SUGCT: variants seen among roughly 807,000 people sequenced by gnomAD.
The protein encoded by SUGCT is succinyl-CoA:glutarate CoA-transferase.
SUGCT carries 41 observed loss-of-function variants against 55.0 expected under a neutral mutation model. The ratio of observed to expected loss-of-function variants is 0.74; its 90% CI spans 0.58 to 0.97. The LOEUF is 0.97. Among genes scored for constraint, SUGCT ranks in the 50% least tolerant of loss-of-function variants. The probability of loss-of-function intolerance (pLI) is 0.00; values close to 1 mark genes in which losing one functional copy is unlikely to be tolerated. For synonymous variants in SUGCT, 187 were observed against 200.4 expected, an observed-to-expected ratio of 0.93 and a Z score of 0.56; for missense variants, 568 against 547.8, an observed-to-expected ratio of 1.04 and a Z score of -0.37.
chr7:40,421,012 C>G (rs1787280463), intron 9 of SUGCT, among the ~76,000 whole-genome samples: 1 of 152,100 alleles, frequency 6.6e-6, no homozygotes, highest in Non-Finnish European at 1.5e-5. Context: ...CTCGACCTAC[C>G]CTGTATTTTT....
chr7:40,566,660 G>A (rs544385538), intron 12 of SUGCT, among the ~76,000 whole-genome samples: 3 of 152,212 alleles, frequency 2.0e-5, no homozygotes, highest in African/African-American at 7.2e-5. Flanking sequence ...TAAGCTAAAT[G>A]CATTCTATTT....
chr7:40,601,291 A>G (rs577717191), intron 12 of SUGCT, among the ~76,000 whole-genome samples: 4 of 152,288 alleles, frequency 2.6e-5, no homozygotes, highest in South Asian at 4.1e-4. Context: ...TTTGTCTTGT[A>G]TTGACCTGAA....
intron 7 of SUGCT, among the ~76,000 whole-genome samples, chr7:40,242,935 T>A (rs866640319): frequency 5.2e-3 from 123 of 23,658 alleles, no homozygotes; most frequent in Middle Eastern, 0.018. Flanking sequence ...ATATATATAT[T>A]TTTTTTTTTT....
chr7:40,330,600 G>A (rs566667723), intron 9 of SUGCT, among the ~76,000 whole-genome samples: 1 of 152,192 alleles, frequency 6.6e-6, no homozygotes, highest in East Asian at 1.9e-4. Context: ...CAGTTAACAA[G>A]GTTAGCAAAC....
chr7:40,250,254 G>A (rs1790276752), intron 7 of SUGCT, among the ~76,000 whole-genome samples: 1 of 151,978 alleles, frequency 6.6e-6, no homozygotes, highest in African/African-American at 2.4e-5. Context: ...AAAAAAATTA[G>A]CGGGGCGTGG....
intron 11 of SUGCT, among the ~76,000 whole-genome samples, chr7:40,472,058 G>A (rs1201290529): frequency 6.6e-6 from 1 of 152,018 alleles, no homozygotes; most frequent in East Asian, 1.9e-4. Context: ...AATTAGTGTT[G>A]CGTAAGACAT....
At chr7:40,405,369 T>G (rs112208168) in intron 9 of SUGCT, among the ~76,000 whole-genome samples, 6 of 147,412 alleles carry the variant, frequency 4.1e-5, no homozygotes, top group East Asian at 1.9e-4. Context: ...ATAATGTCTT[T>G]TCTTTTTCTT....
chr7:40,457,292 A>G (rs1789540598), intron 10 of SUGCT, among the ~76,000 whole-genome samples: 1 of 152,074 alleles, frequency 6.6e-6, no homozygotes, highest in African/African-American at 2.4e-5. Context: ...ATACAGAAAA[A>G]TTAGCCGGGC....
chr7:40,633,276 TTC>T (rs1799875073), intron 12 of SUGCT, among the ~76,000 whole-genome samples: 1 of 152,218 alleles, frequency 6.6e-6, no homozygotes, highest in Non-Finnish European at 1.5e-5. Context: ...CTATATTTTT[TTC>T]TCTTTTAAGT....
intron 6 of SUGCT, among the ~76,000 whole-genome samples, chr7:40,207,358 C>T (rs140474977): frequency 1.6e-4 from 25 of 152,206 alleles, no homozygotes; most frequent in East Asian, 1.5e-3. Flanking sequence ...AAAACCACAA[C>T]GAGATACCTA....
At chr7:40,919,565 C>T in the SUGCT span, among the ~76,000 whole-genome samples, 1 of 152,182 alleles carries the variant, frequency 6.6e-6, no homozygotes, top group Non-Finnish European at 1.5e-5. Context: ...CCTCATTGCC[C>T]CCACTCCAAT....
chr7:41,007,681 T>C, the SUGCT span, among the ~76,000 whole-genome samples: 2 of 152,054 alleles, frequency 1.3e-5, no homozygotes, highest in African/African-American at 2.4e-5. Flanking sequence ...AACTACACTA[T>C]GCAATCCCAC....
At chr7:40,776,296 G>A (rs17530213) in intron 13 of SUGCT, among the ~76,000 whole-genome samples, 46,695 of 152,104 alleles carry the variant, frequency 0.31, 7,844 homozygotes, top group South Asian at 0.47. Context: ...ACAAAAGCAC[G>A]TGTGTTCAGA....
chr7:40,261,507 A>T (rs1351055107), intron 7 of SUGCT, among the ~76,000 whole-genome samples: 2 of 152,202 alleles, frequency 1.3e-5, no homozygotes, highest in Non-Finnish European at 2.9e-5. Flanking sequence ...ATTCAATGAG[A>T]TAATGTGTAG....
At position 40,189,602 on chromosome 7, in the gene SUGCT, A is replaced by C; in HGVS notation, c.363+8A>C. ...GTGAAAATCATCAAAGAGGTACAGT[A>C]TGATGTATAGAAAGCATCCTACCAC... On this transcript the variant is annotated splice_region_variant and intron_variant, in intron 5 of 13. Transcript: ENST00000335693. 1 of 1,406,676 alleles carries C rather than the reference A, an allele frequency of 7.1e-7. No homozygotes were observed. The highest frequency in any genetic ancestry group is 9.5e-7 in the Non-Finnish European group (1 of 1,055,234). The allele number at this position is 1,406,676 out of a possible 1,614,324, so 87.1% of individuals were successfully genotyped here. A position where few individuals can be genotyped will look rare whatever the true frequency, so the allele number is the denominator to read the frequency against.
At chr7:41,023,173 T>C in the SUGCT span, among the ~76,000 whole-genome samples, 1 of 152,194 alleles carries the variant, frequency 6.6e-6, no homozygotes, top group African/African-American at 2.4e-5. Flanking sequence ...AATGACTTCT[T>C]GGGACCCCAG....
At chr7:40,512,636 A>C (rs1792992095) in intron 12 of SUGCT, among the ~76,000 whole-genome samples, 1 of 152,228 alleles carries the variant, frequency 6.6e-6, no homozygotes, top group African/African-American at 2.4e-5. Context: ...TGCATAAAGA[A>C]CTTTAAAATG....
chr7:40,512,597 T>C lies in SUGCT; in HGVS notation c.1089+16211T>C, dbSNP rs529170050. Among the ~76,000 whole-genome samples, 4 of 152,360 alleles carry C rather than the reference T, an allele frequency of 2.6e-5. No homozygotes were observed. The South Asian group carries it at 6.2e-4, about 24-fold the overall frequency. On this transcript the variant is annotated intron_variant, in intron 12 of 13. Transcript: ENST00000335693. ...ATTTATTTTAATGATTTATATTTCA[T>C]TTATTTCATATACGAGTGAGATAGT...
chr7:40,156,323 C>A (rs148306347), intron 1 of SUGCT, among the ~76,000 whole-genome samples: 3 of 151,972 alleles, frequency 2.0e-5, no homozygotes, highest in Non-Finnish European at 4.4e-5. Flanking sequence ...ATTAGCCCGG[C>A]GTGGTGAAGG....
Sources: allele counts gnomAD v4.1 joint callset (sites outside exome capture counted in the v4.1 genomes callset), GRCh38; gene constraint gnomAD v4.1.1; transcripts MANE v1.5; gene names NCBI Gene and HGNC (gene_info 2026-07-23, HGNC 2026-07-21).